The following VPS53 variants were observed in gnomAD, a reference collection of about 807,000 sequenced individuals.
VPS53 encodes the protein VPS53 subunit of GARP complex.
A neutral mutation model predicts 107.0 loss-of-function variants in VPS53; 70 were observed. The ratio of observed to expected loss-of-function variants is 0.65; its 90% confidence interval spans 0.54 to 0.80. The LOEUF is 0.80. Ranked by LOEUF, VPS53 falls within the 30% of genes least tolerant of loss-of-function variation. The pLI, the probability that VPS53 is intolerant of heterozygous loss-of-function variation, is 0.00. For missense variants in VPS53, 917 were observed against 1,049.4 expected (o/e 0.87, Z 1.74); for synonymous variants, 409 against 393.3 (o/e 1.04, Z -0.47).
chr17:633,654 G>A (rs747924015), intron 7 of VPS53, among the ~76,000 whole-genome samples: 1 of 152,132 alleles, frequency 6.6e-6, no homozygotes, highest in East Asian at 1.9e-4. Context: ...TCTTAGAGGT[G>A]GGTTTGTAGC....
chr17:629,874 G>C (rs935089132), intron 8 of VPS53, among the ~76,000 whole-genome samples: 1 of 149,394 alleles, frequency 6.7e-6, no homozygotes, highest in African/African-American at 2.5e-5. Flanking sequence ...GAAAAGGGAG[G>C]CATGTTGTTA....
chr17:561,057 T>C (rs2014799), intron 14 of VPS53, among the ~76,000 whole-genome samples: 12,621 of 152,212 alleles, frequency 0.083, 770 homozygotes, highest in East Asian at 0.3. Flanking sequence ...TAAGTGAATG[T>C]TAAGAAAAGT....
chr17:611,029 CA>C (rs2143012977), intron 11 of VPS53, among the ~76,000 whole-genome samples: 1 of 151,278 alleles, frequency 6.6e-6, no homozygotes, highest in Non-Finnish European at 1.5e-5. Flanking sequence ...AAAAAATGGG[CA>C]AAAAATGTGA....
chr17:527,089 C>T (rs1292985407), intron 19 of VPS53, among the ~76,000 whole-genome samples: 6 of 152,228 alleles, frequency 3.9e-5, no homozygotes, highest in Non-Finnish European at 8.8e-5. Flanking sequence ...ACAAACACCA[C>T]GTATGCCATT....
intron 13 of VPS53, among the ~76,000 whole-genome samples, chr17:580,392 C>T (rs1966942178): frequency 1.3e-5 from 2 of 149,032 alleles, no homozygotes; most frequent in Non-Finnish European, 3.0e-5. Context: ...CCCTCAGGAC[C>T]TCAATCTGTT....
intron 7 of VPS53, chr17:632,819 G>C (rs1183008554): frequency 2.2e-6 from 1 of 455,870 alleles, no homozygotes; most frequent in South Asian, 1.6e-5. Flanking sequence ...TTCAATCCAT[G>C]CAGCTGCAGT....
intron 7 of VPS53, among the ~76,000 whole-genome samples, chr17:634,121 G>A (rs1027388522): frequency 3.9e-5 from 6 of 152,300 alleles, no homozygotes; most frequent in Admixed American, 2.0e-4. Context: ...TGGTGGGCCC[G>A]GCTCTGCCCC....
chr17:570,729 C>T (rs1382821008), intron 13 of VPS53, among the ~76,000 whole-genome samples: 1 of 152,074 alleles, frequency 6.6e-6, no homozygotes, highest in Non-Finnish European at 1.5e-5. Context: ...ACCTGTGATC[C>T]TAGGGCTATT....
chr17:618,426 G>T (rs1485559964), intron 11 of VPS53, among the ~76,000 whole-genome samples: 1 of 137,432 alleles, frequency 7.3e-6, no homozygotes, highest in Non-Finnish European at 1.6e-5. Context: ...AATATTTCCC[G>T]GGTAGCTGGG....
At chr17:588,090 G>T (rs1243050015) in intron 12 of VPS53, among the ~76,000 whole-genome samples, 2 of 152,168 alleles carry the variant, frequency 1.3e-5, no homozygotes, top group Non-Finnish European at 2.9e-5. Context: ...GGCCAAGGTG[G>T]GCGGATCACA....
At chr17:695,592 C>T (rs932322677) in intron 4 of VPS53, among the ~76,000 whole-genome samples, 1 of 152,036 alleles carries the variant, frequency 6.6e-6, no homozygotes. Flanking sequence ...CTCTGTTTCC[C>T]AGGCTGGAGT....
chr17:701,086 G>A (rs777389797), intron 2 of VPS53, among the ~76,000 whole-genome samples: 13 of 152,202 alleles, frequency 8.5e-5, no homozygotes, highest in African/African-American at 1.9e-4. Flanking sequence ...CACTTTGGGA[G>A]GCTAAGGTGG....
chr17:626,165 C>T (rs1014717694), intron 10 of VPS53, among the ~76,000 whole-genome samples: 1 of 151,292 alleles, frequency 6.6e-6, no homozygotes, highest in Admixed American at 6.6e-5. Flanking sequence ...GCCATGATCA[C>T]ACCACTGCAC....
intron 15 of VPS53, among the ~76,000 whole-genome samples, chr17:555,528 T>C (rs1289344196): frequency 6.6e-6 from 1 of 151,840 alleles, no homozygotes; most frequent in Admixed American, 6.6e-5. Context: ...GAGACGGGGG[T>C]TTTACTATGT....
intron 11 of VPS53, among the ~76,000 whole-genome samples, chr17:613,339 C>T (rs1433932764): frequency 6.7e-6 from 1 of 150,366 alleles, no homozygotes; most frequent in Non-Finnish European, 1.5e-5. Context: ...CAAATATTCA[C>T]ATAGTGAGTT....
chr17:532,038 C>T (rs1431883162), intron 19 of VPS53: 1 of 150,180 alleles, frequency 6.7e-6, no homozygotes, highest in African/African-American at 2.5e-5. Context: ...GCAACCTCCA[C>T]CTCCTGGGTT....
Position 557,349 on chromosome 17 carries a change from C to T in VPS53, c.1704+3077G>A, listed in dbSNP as rs1912536020. On this transcript the variant is annotated intron_variant, in intron 15 of 21. Coordinates refer to ENST00000437048, the MANE Select transcript of VPS53 (RefSeq NM_001128159.3). Reference sequence around the variant, plus strand: ...GGACAACAGTCATTAGATAAGGCCCCCCACCAATCCTAAATCCAGGACCAT... The same window carrying T: ...GGACAACAGTCATTAGATAAGGCCCTCCACCAATCCTAAATCCAGGACCAT... 2.0e-5 allele frequency among the ~76,000 whole-genome samples: 3 copies of T among 152,148 alleles called. 1 individual carries two copies. The South Asian group carries it at 6.2e-4, about 32-fold the overall frequency.
chr17:559,440 T>G (rs912151124), intron 15 of VPS53, among the ~76,000 whole-genome samples: 1 of 152,244 alleles, frequency 6.6e-6, no homozygotes, highest in African/African-American at 2.4e-5. Context: ...CCATCTTACC[T>G]GGGGAGTGGC....
At chr17:666,524 C>T (rs1274822892) in intron 4 of VPS53, among the ~76,000 whole-genome samples, 2 of 152,046 alleles carry the variant, frequency 1.3e-5, no homozygotes, top group Non-Finnish European at 2.9e-5. Flanking sequence ...ATTAGCCGGG[C>T]GTGGTGGCAG....
Sources: gnomAD v4.1 joint callset for allele counts (sites outside exome capture counted in the v4.1 genomes callset) on GRCh38, gnomAD v4.1.1 for gene constraint, MANE v1.5 for transcripts, NCBI Gene and HGNC (gene_info 2026-07-23, HGNC 2026-07-21) for gene names.